The following CNTN6 variants were observed in gnomAD, a reference collection of about 807,000 sequenced individuals.
CNTN6 encodes contactin-6.
CNTN6 carries 137 observed loss-of-function variants against 122.8 expected under a neutral mutation model. That is an observed-to-expected ratio of 1.12 (90% CI 0.97 to 1.29). The LOEUF (loss-of-function observed/expected upper bound fraction) is 1.29, where lower values mean the gene tolerates loss of function less well. CNTN6 is among the 50% of genes most tolerant of loss of function. The probability of loss-of-function intolerance (pLI) is 0.00; values close to 1 mark genes in which losing one functional copy is unlikely to be tolerated. For synonymous variants in CNTN6, 570 were observed against 426.0 expected (o/e 1.34, Z -4.16); for missense variants, 1,634 against 1,223.4 (o/e 1.34, Z -5.01).
chr3:1,228,043 C>T, intron 4 of CNTN6, 50 bp downstream of exon 4: 3 of 1,528,282 alleles, frequency 2.0e-6, no homozygotes, highest in African/African-American at 1.4e-5. Context: ...ATATAATATT[C>T]TTCTGATACA....
rs568079741 is a variant in CNTN6, at chr3:1,311,394, A to G, written c.762-10256A>G. On this transcript the variant is annotated intron_variant, in intron 7 of 22. Transcript: ENST00000446702. ...ACATATAAAATGTCTTTATATGTAC[A>G]TATATGTACATATAAAATGTCTTTA... Among the ~76,000 whole-genome samples the G allele has an allele frequency of 3.3e-3, 311 of 94,980 alleles. 9 individuals are homozygous for G. Among genetic ancestry groups the G allele is most frequent in the Non-Finnish European group, 4.9e-3 (244 of 49,506 alleles). 62.3% of individuals were successfully genotyped at this position (94,980 alleles called of 152,430 possible). A position where few individuals can be genotyped will look rare whatever the true frequency, so the allele number is the denominator to read the frequency against.
At chr3:1,096,348 C>T (rs2090527008) in intron 1 of CNTN6, among the ~76,000 whole-genome samples, 1 of 151,750 alleles carries the variant, frequency 6.6e-6, no homozygotes, top group Non-Finnish European at 1.5e-5. Flanking sequence ...GAGGTTTGCC[C>T]CATTAATTTA....
intron 1 of CNTN6, among the ~76,000 whole-genome samples, chr3:1,113,765 A>G (rs2091590914): frequency 2.0e-5 from 3 of 152,180 alleles, no homozygotes; most frequent in Non-Finnish European, 2.9e-5. Flanking sequence ...GAAGACCTCT[A>G]TTTAATCATA....
intron 2 of CNTN6, among the ~76,000 whole-genome samples, chr3:1,159,282 A>G (rs2093066408): frequency 1.3e-5 from 2 of 152,078 alleles, no homozygotes; most frequent in Admixed American, 1.3e-4. Flanking sequence ...CAGTCTGATA[A>G]CAGAGCCAGC....
chr3:1,282,771 C>T (rs1351182423), intron 5 of CNTN6, among the ~76,000 whole-genome samples: 2 of 152,176 alleles, frequency 1.3e-5, no homozygotes, highest in Non-Finnish European at 2.9e-5. Context: ...TTCCAACAAT[C>T]TCCAACAATT....
chr3:1,242,140 C>T (rs1391928259), intron 4 of CNTN6, among the ~76,000 whole-genome samples: 2 of 152,098 alleles, frequency 1.3e-5, no homozygotes, highest in Non-Finnish European at 2.9e-5. Context: ...GAAATTTGGG[C>T]TTGATTGAAG....
chr3:1,328,447 C>T (rs542410579), intron 10 of CNTN6, among the ~76,000 whole-genome samples: 1 of 151,732 alleles, frequency 6.6e-6, no homozygotes, highest in Non-Finnish European at 1.5e-5. Context: ...GGGTGATGAG[C>T]ACTCATTCAT....
At chr3:1,260,752 A>G (rs1021365608) in intron 4 of CNTN6, among the ~76,000 whole-genome samples, 2 of 152,042 alleles carry the variant, frequency 1.3e-5, no homozygotes, top group East Asian at 3.9e-4. Flanking sequence ...GATAATTTAA[A>G]GGGGCTTTTC....
chr3:1,362,117 G>A (rs968119898), intron 12 of CNTN6, among the ~76,000 whole-genome samples: 4 of 152,058 alleles, frequency 2.6e-5, no homozygotes, highest in African/African-American at 9.7e-5. Context: ...AATTGACCAG[G>A]ACTTAAAATG....
intron 7 of CNTN6, among the ~76,000 whole-genome samples, chr3:1,305,310 T>C (rs945414616): frequency 7.2e-5 from 11 of 152,206 alleles, no homozygotes; most frequent in Non-Finnish European, 1.5e-4. Flanking sequence ...GAGTATAGAA[T>C]AATTAAGACA....
At chr3:1,125,600 G>T (rs1056786973) in intron 1 of CNTN6, among the ~76,000 whole-genome samples, 1 of 151,654 alleles carries the variant, frequency 6.6e-6, no homozygotes, top group Non-Finnish European at 1.5e-5. Context: ...TAAAATGATA[G>T]AAGAACTAGT....
intron 1 of CNTN6, among the ~76,000 whole-genome samples, chr3:1,106,521 T>TACACACAC (rs57012485): frequency 0.064 from 9,497 of 149,138 alleles, 383 homozygotes; most frequent in Non-Finnish European, 0.089. Context: ...CTGTCTGTAA[T>TACACACAC]ACACACACAC....
intron 2 of CNTN6, among the ~76,000 whole-genome samples, chr3:1,161,047 A>C (rs1203431523): frequency 1.3e-5 from 2 of 151,998 alleles, no homozygotes; most frequent in East Asian, 3.9e-4. Context: ...ATATCATGGA[A>C]ACTACTGTGC....
At chr3:1,218,170 G>A (rs1022706839) in intron 2 of CNTN6, among the ~76,000 whole-genome samples, 1 of 152,058 alleles carries the variant, frequency 6.6e-6, no homozygotes, top group Admixed American at 6.6e-5. Context: ...AGTAAGGTGA[G>A]AAGGCCATAC....
intron 20 of CNTN6, among the ~76,000 whole-genome samples, chr3:1,390,076 G>C (rs1468173638): frequency 5.3e-5 from 8 of 152,082 alleles, no homozygotes; most frequent in Middle Eastern, 3.4e-3. Flanking sequence ...GACATCTACA[G>C]AACTCTCCAC....
At chr3:1,378,779 C>T (rs1710240830) in intron 17 of CNTN6, among the ~76,000 whole-genome samples, 1 of 152,138 alleles carries the variant, frequency 6.6e-6, no homozygotes. Context: ...ACACAGGGTT[C>T]TCTCTTTCTG....
intron 2 of CNTN6, among the ~76,000 whole-genome samples, chr3:1,200,862 C>A (rs2093853712): frequency 6.6e-6 from 1 of 152,044 alleles, no homozygotes; most frequent in Non-Finnish European, 1.5e-5. Flanking sequence ...TTATTTCTCT[C>A]AGGGCATATG....
intron 1 of CNTN6, among the ~76,000 whole-genome samples, chr3:1,098,100 G>A (rs1053844022): frequency 2.0e-5 from 3 of 151,766 alleles, no homozygotes; most frequent in Admixed American, 6.6e-5. Context: ...TTTGCGGGGG[G>A]GGGAGGGATA....
intron 2 of CNTN6, among the ~76,000 whole-genome samples, chr3:1,195,995 T>C (rs1559492702): frequency 6.6e-6 from 1 of 152,222 alleles, no homozygotes; most frequent in Non-Finnish European, 1.5e-5. Flanking sequence ...GAAAAAGTGC[T>C]GTCTTTGTCA....
Sources: gnomAD v4.1 joint callset for allele counts (sites outside exome capture counted in the v4.1 genomes callset) on GRCh38, gnomAD v4.1.1 for gene constraint, MANE v1.5 for transcripts, NCBI Gene and HGNC (gene_info 2026-07-23, HGNC 2026-07-21) for gene names.